The following PCGF3 variants were observed in gnomAD, a reference collection of about 807,000 sequenced individuals.
The protein encoded by PCGF3 is polycomb group RING finger protein 3.
In PCGF3, 7 loss-of-function variants were observed where a neutral mutation model predicts 33.1. That is an observed-to-expected ratio of 0.21 (90% CI 0.12 to 0.40). PCGF3 has a LOEUF of 0.40. PCGF3 is among the 10% of genes least tolerant of loss of function. PCGF3 has a pLI of 1.00. For synonymous variants in PCGF3, 153 were observed against 121.3 expected (o/e 1.26, Z -1.72); for missense variants, 211 against 313.3 (o/e 0.67, Z 2.46).
At chr4:729,056 C>T (rs912218710) in intron 1 of PCGF3, among the ~76,000 whole-genome samples, 2 of 134,658 alleles carry the variant, frequency 1.5e-5, no homozygotes, top group East Asian at 4.6e-4. Flanking sequence ...GCCGAGATTG[C>T]ACCACTGCAC....
At chr4:744,476 G>A (rs1744227280) in intron 7 of PCGF3, 124 bp from the exon 8 acceptor site, 2 of 725,212 alleles carry the variant, frequency 2.8e-6, no homozygotes, top group African/African-American at 1.8e-5. Context: ...CGCTTACTCC[G>A]CTCCGGGGGT....
At chr4:732,922 A>C (rs894193993) in intron 3 of PCGF3, among the ~76,000 whole-genome samples, 7 of 152,204 alleles carry the variant, frequency 4.6e-5, no homozygotes, top group Non-Finnish European at 8.8e-5. Flanking sequence ...GTGCGGTGAC[A>C]TCGGGGGTCA....
At chr4:709,431 T>G (rs1052751638) in intron 1 of PCGF3, among the ~76,000 whole-genome samples, 4 of 151,118 alleles carry the variant, frequency 2.6e-5, no homozygotes. Flanking sequence ...CATGAACAAA[T>G]GAATGAAAGG....
intron 10 of PCGF3, among the ~76,000 whole-genome samples, chr4:765,655 CCA>C (rs1745327933): frequency 1.3e-5 from 2 of 152,246 alleles, no homozygotes; most frequent in Non-Finnish European, 2.9e-5. Flanking sequence ...TGGAACTCTC[CCA>C]CCTCAGCTGG....
chr4:761,272 C>T lies in PCGF3; in HGVS notation c.463-7C>T, dbSNP rs745391561. On this transcript the variant is annotated splice_region_variant and splice_polypyrimidine_tract_variant and intron_variant, in intron 8 of 10. Coordinates refer to ENST00000362003, the Ensembl canonical transcript of PCGF3. Reference sequence around the variant, plus strand: ...TGCTGCGCTCTCACCAGCGTCCTTTCCCGCAGGTGAGCATCTGCCTGGAGT... The same window carrying T: ...TGCTGCGCTCTCACCAGCGTCCTTTTCCGCAGGTGAGCATCTGCCTGGAGT... 3.8e-6 allele frequency: 6 copies of T among 1,575,814 alleles called. No homozygotes were observed. The highest frequency in any genetic ancestry group is 5.2e-6 in the Non-Finnish European group (6 of 1,156,990).
At position 715,079 on chromosome 4, in the gene PCGF3, G is replaced by T. The variant is rs559704321; in HGVS notation, c.-190+9109G>T. On this transcript the variant is annotated intron_variant, in intron 1 of 10. Transcript: ENST00000362003. ...TAGACACTGAGTGTGAGAACTGGGC[G>T]TCGGTGCTGGGACCCTGTAGACTCT... is the stretch of plus-strand genomic sequence containing the variant. 7.7e-3 allele frequency among the ~76,000 whole-genome samples: 1,144 copies of T among 148,322 alleles called. 17 individuals are homozygous for T. Among genetic ancestry groups the T allele is most frequent in the African/African-American group, 0.027 (1,082 of 39,712 alleles).
intron 10 of PCGF3, among the ~76,000 whole-genome samples, chr4:765,699 A>G (rs1239241895): frequency 6.6e-6 from 1 of 152,062 alleles, no homozygotes; most frequent in Non-Finnish European, 1.5e-5. Flanking sequence ...GGAGGAGCCA[A>G]GGCTGGCCTG....
intron 1 of PCGF3, among the ~76,000 whole-genome samples, chr4:713,524 C>T (rs1742673397): frequency 8.6e-6 from 1 of 116,852 alleles, no homozygotes; most frequent in Admixed American, 8.5e-5. Flanking sequence ...CCTGTGTGGC[C>T]TCATGGGTCC....
At chr4:727,498 T>C (rs950624726) in intron 1 of PCGF3, among the ~76,000 whole-genome samples, 21 of 152,044 alleles carry the variant, frequency 1.4e-4, no homozygotes, top group African/African-American at 4.8e-4. Flanking sequence ...CCTCGGCCTC[T>C]CAAAGTGCTG....
chr4:738,906 C>T (rs917405928), intron 6 of PCGF3, among the ~76,000 whole-genome samples: 16 of 151,998 alleles, frequency 1.1e-4, no homozygotes, highest in African/African-American at 3.4e-4. Context: ...GTTTCAAACG[C>T]TTAGCAGTGG....
At chr4:769,918 A>ATTT (rs1246105860) in exon 11 of PCGF3, 1 of 152,436 alleles carries the variant, frequency 6.6e-6, no homozygotes, top group Admixed American at 6.6e-5. Flanking sequence ...GAAAGTTTAC[A>ATTT]TTTTTTATGC....
chr4:744,724 T>C (rs6841958), intron 8 of PCGF3, 36 bp downstream of exon 8: 196,291 of 301,640 alleles, frequency 0.65, 58,979 homozygotes, highest in East Asian at 0.73. Flanking sequence ...AGTGTTAGTG[T>C]TCGCCGTGGA....
In PCGF3 at chr4:736,672, C is replaced by A. The variant is rs577136077; in HGVS notation, c.207-794C>A. The stretch of plus-strand genomic sequence containing the variant: ...CGTGGTGTCCACAGGGACGGTGTCT[C>A]CTGAGCGCACAGGATGCAGGGAACC... On this transcript the variant is annotated intron_variant, in intron 5 of 10. Transcript: ENST00000362003. 1.4e-5 allele frequency among the ~76,000 whole-genome samples: 2 copies of A among 138,224 alleles called. 1 individual carries two copies. Among genetic ancestry groups the A allele is most frequent in the South Asian group, 4.9e-4 (2 of 4,042 alleles). 90.7% of individuals were successfully genotyped at this position (138,224 alleles called of 152,430 possible).
chr4:718,203 A>G (rs1742935731), intron 1 of PCGF3, among the ~76,000 whole-genome samples: 1 of 152,098 alleles, frequency 6.6e-6, no homozygotes, highest in African/African-American at 2.4e-5. Flanking sequence ...ATGGGAGTTC[A>G]AAGCAGGGTT....
intron 7 of PCGF3, chr4:743,824 G>T (rs756170816): frequency 4.8e-6 from 2 of 415,130 alleles, no homozygotes; most frequent in African/African-American, 2.0e-5. Flanking sequence ...GAGAGTGTCT[G>T]GGGGGCAGAG....
intron 1 of PCGF3, among the ~76,000 whole-genome samples, chr4:728,972 C>T (rs372579674): frequency 1.2e-4 from 18 of 151,606 alleles, no homozygotes; most frequent in South Asian, 4.2e-4. Flanking sequence ...TGGTGGCGGA[C>T]GTCTATAATC....
intron 8 of PCGF3, among the ~76,000 whole-genome samples, chr4:759,854 C>T (rs1560217886): frequency 2.9e-5 from 2 of 68,842 alleles, no homozygotes; most frequent in Non-Finnish European, 6.3e-5. Context: ...CCGCGCGGCC[C>T]CTCTCCCGAG....
chr4:765,919 G>C, intron 10 of PCGF3, 113 bp from the exon 11 acceptor site: 2 of 896,384 alleles, frequency 2.2e-6, no homozygotes, highest in Non-Finnish European at 3.7e-6. Context: ...GTGCAGCCCT[G>C]CATGTGGACT....
chr4:762,117 G>T (rs2084094947), intron 9 of PCGF3: 1 of 983,872 alleles, frequency 1.0e-6, no homozygotes, highest in Non-Finnish European at 1.2e-6. Context: ...CTCAGTGGTG[G>T]CCCCAGAAGA....
Sources: gnomAD v4.1 joint callset for allele counts (sites outside exome capture counted in the v4.1 genomes callset) on GRCh38, gnomAD v4.1.1 for gene constraint, MANE v1.5 for transcripts, NCBI Gene and HGNC (gene_info 2026-07-23, HGNC 2026-07-21) for gene names.